RSF1: variants seen among roughly 807,000 people sequenced by gnomAD.
RSF1 encodes HBV pX-associated protein 8.
A neutral mutation model predicts 145.2 loss-of-function variants in RSF1; 13 were observed. That is an observed-to-expected ratio of 0.09 (90% CI 0.06 to 0.14). The LOEUF is 0.14. Ranked by LOEUF, RSF1 falls within the 10% of genes least tolerant of loss-of-function variation. RSF1 has a pLI of 1.00. For missense variants in RSF1, 1,517 were observed against 1,718.2 expected, an observed-to-expected ratio of 0.88 and a Z score of 2.07; for synonymous variants, 577 against 592.6, an observed-to-expected ratio of 0.97 and a Z score of 0.38.
chr11:77,809,639 A>G (rs1326496562), intron 1 of RSF1, among the ~76,000 whole-genome samples: 2 of 152,250 alleles, frequency 1.3e-5, no homozygotes, highest in African/African-American at 2.4e-5. Flanking sequence ...CTGAATTCAG[A>G]TGCCAGACCA....
chr11:77,826,639 C>G, the RSF1 span, among the ~76,000 whole-genome samples: 5 of 152,176 alleles, frequency 3.3e-5, no homozygotes, highest in African/African-American at 9.7e-5. Context: ...GCCAGTCTGT[C>G]TCCAACAACA....
the RSF1 span, chr11:77,870,092 T>C: frequency 1.0e-5 from 2 of 194,364 alleles, no homozygotes; most frequent in African/African-American, 4.7e-5. Context: ...AATAATACTT[T>C]ATATCCTCAT....
chr11:77,688,903 C>A (rs571902883), intron 9 of RSF1, among the ~76,000 whole-genome samples: 1 of 152,270 alleles, frequency 6.6e-6, no homozygotes, highest in Non-Finnish European at 1.5e-5. Context: ...GTAAAAAAAA[C>A]AAAACCTTTA....
chr11:77,791,377 G>A (rs1334755036), intron 1 of RSF1, among the ~76,000 whole-genome samples: 10 of 152,066 alleles, frequency 6.6e-5, no homozygotes, highest in Non-Finnish European at 1.3e-4. Flanking sequence ...GCCAGTGCTG[G>A]GATGGGATGC....
In RSF1 at chr11:77,673,192, C is replaced by G. The variant is rs370673594; in HGVS notation, c.3563-962G>C. On this transcript the variant is annotated intron_variant, in intron 14 of 15. Transcript: ENST00000308488. ...AAAGAAAACTCATGAATCTGTTCCACATAAATACAGAACTCAAGATATATT... is the reference window on the plus strand; with the variant it reads ...AAAGAAAACTCATGAATCTGTTCCAGATAAATACAGAACTCAAGATATATT... Among the ~76,000 whole-genome samples, 266 of 152,306 alleles carry G rather than the reference C, an allele frequency of 1.7e-3. 4 individuals are homozygous for G. The highest frequency in any genetic ancestry group is 5.7e-3 in the African/African-American group (239 of 41,566).
intron 10 of RSF1, among the ~76,000 whole-genome samples, chr11:77,684,324 A>G (rs116427528): frequency 0.014 from 2,123 of 152,290 alleles, 51 homozygotes; most frequent in African/African-American, 0.047. Context: ...TTCACTCATG[A>G]TATACCCACC....
At chr11:77,792,429 G>A (rs77711316) in intron 1 of RSF1, among the ~76,000 whole-genome samples, 3,265 of 152,100 alleles carry the variant, frequency 0.021, 94 homozygotes, top group African/African-American at 0.069. Context: ...CCCAAGAATC[G>A]GCCTGTCTGT....
At chr11:77,812,505 T>G (rs1358130479) in intron 1 of RSF1, among the ~76,000 whole-genome samples, 2 of 152,222 alleles carry the variant, frequency 1.3e-5, no homozygotes, top group East Asian at 3.9e-4. Context: ...TACTTCATGT[T>G]GCTCTTCAAG....
Position 77,768,143 on chromosome 11 carries a change from A to G in RSF1, c.188-3454T>C, listed in dbSNP as rs117628919. 1.5e-3 allele frequency among the ~76,000 whole-genome samples: 225 copies of G among 150,314 alleles called. 2 individuals are homozygous for G. In the South Asian group the frequency reaches 0.034, roughly 23 times the overall value. The stretch of plus-strand genomic sequence containing the variant: ...TATTTAATGCCCTTCATCCAAAATT[A>G]TATCAACATATTATCAGCTTTTTTT... On this transcript the variant is annotated intron_variant, in intron 1 of 15. Transcript: ENST00000308488.
chr11:77,730,601 T>C (rs575950341), intron 4 of RSF1, among the ~76,000 whole-genome samples: 6 of 152,340 alleles, frequency 3.9e-5, no homozygotes, highest in Non-Finnish European at 7.3e-5. Flanking sequence ...TGATACAGTT[T>C]GGCTGTGTCT....
chr11:77,813,676 T>C (rs58914857), intron 1 of RSF1: 51 of 516,018 alleles, frequency 9.9e-5, no homozygotes, highest in Admixed American at 2.8e-4. Context: ...TTCAAAGCCA[T>C]AGCTGCTGCA....
chr11:77,816,027 TC>T (rs1242963695), intron 1 of RSF1, among the ~76,000 whole-genome samples: 1 of 152,160 alleles, frequency 6.6e-6, no homozygotes, highest in African/African-American at 2.4e-5. Context: ...ACAACCTCCC[TC>T]CAAACCTCCG....
intron 5 of RSF1, chr11:77,717,739 A>G (rs943220150): frequency 6.6e-6 from 1 of 152,234 alleles, no homozygotes; most frequent in African/African-American, 2.4e-5. Flanking sequence ...AATACAAAAA[A>G]GTCCCTAGAT....
intron 9 of RSF1, among the ~76,000 whole-genome samples, chr11:77,689,629 A>G (rs945624585): frequency 6.6e-6 from 1 of 152,116 alleles, no homozygotes; most frequent in Admixed American, 6.5e-5. Flanking sequence ...TCTGTACTAT[A>G]TTATTGGTCT....
intron 1 of RSF1, among the ~76,000 whole-genome samples, chr11:77,802,157 C>T (rs549786517): frequency 6.6e-6 from 1 of 152,104 alleles, no homozygotes; most frequent in Admixed American, 6.6e-5. Context: ...TCGTTTATAA[C>T]CTCCATAATA....
chr11:77,733,750 C>T (rs1242079635), intron 4 of RSF1, among the ~76,000 whole-genome samples: 1 of 152,014 alleles, frequency 6.6e-6, no homozygotes, highest in Non-Finnish European at 1.5e-5. Context: ...GTTGTAGAGA[C>T]AGGGTTTCAT....
rs1959720379 is a variant in RSF1 at position 77,676,895 on chromosome 11, C to T, written c.3238G>A (p.Ala1080Thr). The change falls in exon 13 of 16, where the codon GCA becomes ACA. Residue 1080 changes from alanine (A) to threonine (T), a missense_variant. This residue lies in a region of RSF1 where 231 missense variants were observed against 276.6 expected (regional missense o/e 0.84). Coordinates refer to ENST00000308488, the MANE Select transcript of RSF1 (RefSeq NM_016578.4). ...CGTTTCTTCCTTCGAGCAGCAGCTGCCCTCTGGGGTCGTTTATTTTCTTTT... is the reference window on the plus strand; with the variant it reads ...CGTTTCTTCCTTCGAGCAGCAGCTGTCCTCTGGGGTCGTTTATTTTCTTTT... ...ERKENKRPQR[A>T]AAARRKKRRR... 6.2e-7 allele frequency: 1 copy of T among 1,614,094 alleles called. No individual in the cohort carries two copies.
intron 1 of RSF1, among the ~76,000 whole-genome samples, chr11:77,788,304 G>A (rs12272899): frequency 6.7e-6 from 1 of 148,890 alleles, no homozygotes; most frequent in African/African-American, 2.5e-5. Flanking sequence ...ACTGGTAATA[G>A]AATCAGTAGA....
the RSF1 span, chr11:77,841,242 T>C: frequency 1.4e-6 from 1 of 702,358 alleles, no homozygotes; most frequent in African/African-American, 1.7e-5. Context: ...CTCTTAATGT[T>C]GTTATAATGG....
Sources: gnomAD v4.1 joint callset for allele counts (sites outside exome capture counted in the v4.1 genomes callset) on GRCh38, gnomAD v4.1.1 for gene constraint, gnomAD v4.1.1 regional missense constraint, MANE v1.5 for transcripts, NCBI Gene and HGNC (gene_info 2026-07-23, HGNC 2026-07-21) for gene names.